Variants in UBR4 observed in about 807,000 individuals in gnomAD.
The protein encoded by UBR4 is E3 ubiquitin-protein ligase UBR4.
UBR4 carries 124 observed loss-of-function variants against 575.6 expected under a neutral mutation model. The observed-to-expected ratio is 0.22, with a 90% CI of 0.19 to 0.25. UBR4 has a LOEUF of 0.25. Ranked by LOEUF, UBR4 falls within the 10% of genes least tolerant of loss-of-function variation. The pLI is 1.00. For missense variants in UBR4, 4,818 were observed against 6,478.8 expected (o/e 0.74, Z 8.80); for synonymous variants, 2,455 against 2,473.7 (o/e 0.99, Z 0.22).
In UBR4 at chr1:19,110,273, T is replaced by C. The variant is rs958489272; in HGVS notation, c.11978-50A>G. The C allele has an allele frequency of 6.2e-7, 1 of 1,613,530 alleles. No individual in the cohort carries two copies. Among genetic ancestry groups the C allele is most frequent in the African/African-American group, 1.3e-5 (1 of 74,922 alleles). On this transcript the variant is annotated intron_variant, in intron 80 of 105. Transcript: ENST00000375254. The surrounding 1 kb of genome is among the most constrained non-coding windows in gnomAD (Gnocchi z 4.5). ...GTCACAATCAGGAACACTACACATC[T>C]GCTCTGCAGAGGCCGCCCAAGCATC...
At chr1:19,199,466 A>G (rs2092640030) in intron 3 of UBR4, among the ~76,000 whole-genome samples, 185 bp downstream of exon 3, 1 of 152,242 alleles carries the variant, frequency 6.6e-6, no homozygotes, top group Non-Finnish European at 1.5e-5. Flanking sequence ...TCATTTATAT[A>G]TTAATCTATG....
At chr1:19,077,851 G>A in intron 104 of UBR4, 125 bp downstream of exon 104, 1 of 1,562,176 alleles carries the variant, frequency 6.4e-7, no homozygotes, top group Non-Finnish European at 8.7e-7. Flanking sequence ...TTTGTTTCTA[G>A]GAAAAAAGCG....
At position 19,081,521 on chromosome 1, in the gene UBR4, G is replaced by A; in HGVS notation, c.15061C>T (p.Pro5021Ser). The change falls in exon 103 of 106, where the codon CCC becomes TCC. Residue 5021 changes from proline to serine, a missense_variant. This residue lies in a region of UBR4 where 212 missense variants were observed against 221.3 expected (regional missense o/e 0.96). Coordinates refer to ENST00000375254, the MANE Select transcript of UBR4 (RefSeq NM_020765.3). ...EKNLQGFLEQ[P>S]KEKWVESAFE... is the part of the protein sequence containing the mutation. ...GCACTCTCCACCCACTTCTCCTTGG[G>A]CTGTTCCAGAAAGCCTTGGAGGTTC... The A allele has an allele frequency of 6.2e-7, 1 of 1,614,006 alleles. No individual in the cohort carries two copies. The highest frequency in any genetic ancestry group is 8.5e-7 in the Non-Finnish European group (1 of 1,180,016).
intron 103 of UBR4, chr1:19,081,017 A>G (rs2076448407): frequency 4.6e-6 from 1 of 217,024 alleles, no homozygotes; most frequent in African/African-American, 2.3e-5. Flanking sequence ...TGCCAACACC[A>G]GCAAGATGTG....
At chr1:19,149,969 T>C (rs114427438) in intron 49 of UBR4, among the ~76,000 whole-genome samples, 3,039 of 152,220 alleles carry the variant, frequency 0.02, 92 homozygotes, top group East Asian at 0.082. Context: ...AAGGCTATTC[T>C]TGTGACTTAC....
At chr1:19,144,355 C>T (rs796713634) in intron 54 of UBR4, among the ~76,000 whole-genome samples, 10 of 152,354 alleles carry the variant, frequency 6.6e-5, no homozygotes, top group African/African-American at 2.4e-4. Context: ...GCCATTTTGG[C>T]CCCTTACAAA....
chr1:19,126,959 C>T (rs570306814), intron 63 of UBR4, among the ~76,000 whole-genome samples: 11 of 152,278 alleles, frequency 7.2e-5, no homozygotes, highest in East Asian at 1.9e-4. Context: ...CTGGAGGGGA[C>T]GCGTTTCCTC....
chr1:19,136,198 C>G (rs991552664), intron 60 of UBR4, among the ~76,000 whole-genome samples: 1 of 151,954 alleles, frequency 6.6e-6, no homozygotes, highest in African/African-American at 2.4e-5. Context: ...TAAATGATAT[C>G]GTTTAGGAAA....
At chr1:19,112,359 C>T in intron 78 of UBR4, 165 bp downstream of exon 78, 1 of 762,208 alleles carries the variant, frequency 1.3e-6, no homozygotes, top group Non-Finnish European at 2.0e-6. Context: ...GCTCCCCAAG[C>T]TCGCTCACCT....
intron 18 of UBR4, 52 bp from the exon 19 acceptor site, chr1:19,177,795 G>A (rs745334700): frequency 2.5e-6 from 4 of 1,575,472 alleles, no homozygotes; most frequent in Non-Finnish European, 1.7e-6. Flanking sequence ...GCATTCCCCA[G>A]GAGTTATAAT....
At chr1:19,176,808 T>C in intron 19 of UBR4, 81 bp from the exon 20 acceptor site, 1 of 1,474,662 alleles carries the variant, frequency 6.8e-7, no homozygotes, top group East Asian at 2.3e-5. Flanking sequence ...AATAGCTCGG[T>C]ACACTGAATC....
chr1:19,104,481 G>T, intron 86 of UBR4, 104 bp downstream of exon 86: 1 of 1,319,686 alleles, frequency 7.6e-7, no homozygotes, highest in East Asian at 2.4e-5. Flanking sequence ...CTGCACTAAG[G>T]TCAGTACCAG....
In UBR4 at chr1:19,210,068, G is replaced by C; in HGVS notation, c.176+5C>G. On this transcript the variant is annotated splice_donor_5th_base_variant and intron_variant, in intron 1 of 105. Transcript: ENST00000375254. ...GCGTCGCCCGCCAGAGCCGCCGCCC[G>C]GTACCTCTCGATGACTGAGGCCACC... The C allele has an allele frequency of 6.5e-7, 1 of 1,549,622 alleles. No homozygotes were observed. Among genetic ancestry groups the C allele is most frequent in the South Asian group, 1.2e-5 (1 of 84,588 alleles).
chr1:19,087,781 G>C (rs1466352931), intron 99 of UBR4, 35 bp downstream of exon 99: 1 of 1,558,544 alleles, frequency 6.4e-7, no homozygotes. Context: ...GTCAGGCTGG[G>C]CCCTCAGGAC....
At position 19,100,681 on chromosome 1, in the gene UBR4, GC is replaced by G. The variant is rs1570460808; in HGVS notation, c.13024-109del. The G allele has an allele frequency of 2.8e-6, 3 of 1,054,862 alleles. No individual in the cohort carries two copies. The highest frequency in any genetic ancestry group is 4.2e-6 in the Non-Finnish European group (3 of 713,976). 65.3% of individuals were successfully genotyped at this position (1,054,862 alleles called of 1,614,324 possible). On this transcript the variant is annotated intron_variant, in intron 88 of 105. Coordinates refer to ENST00000375254, the MANE Select transcript of UBR4 (RefSeq NM_020765.3). The surrounding 1 kb of genome is among the most constrained non-coding windows in gnomAD (Gnocchi z 4.2). ...GAGGAAAACACACCAAACTCAGCAAGCCCCCCAAACATTTAAAGATACAAAG... is the reference window on the plus strand; with the variant it reads ...GAGGAAAACACACCAAACTCAGCAAGCCCCCAAACATTTAAAGATACAAAG...
chr1:19,164,181 T>G, intron 33 of UBR4, 72 bp downstream of exon 33: 68 of 1,513,226 alleles, frequency 4.5e-5, no homozygotes, highest in Non-Finnish European at 5.7e-5. Flanking sequence ...GTACTCACTT[T>G]GAGCTATAAA....
At chr1:19,124,515 G>A (rs1308092755) in intron 65 of UBR4, 26 bp downstream of exon 65, 4 of 1,612,804 alleles carry the variant, frequency 2.5e-6, no homozygotes, top group Middle Eastern at 1.7e-4. Context: ...AGCCCAACAA[G>A]CATGCAGCTT....
chr1:19,188,347 A>T (rs1224441253), intron 11 of UBR4, among the ~76,000 whole-genome samples: 1 of 152,300 alleles, frequency 6.6e-6, no homozygotes, highest in East Asian at 1.9e-4. Flanking sequence ...TGAGCCCAGA[A>T]GTTCAAGACC....
Position 19,155,001 on chromosome 1 carries a change from G to A in UBR4, c.6375C>T (p.Ser2125=). ...CTGCGAATGATTTGCCTTGACAATA[G>A]CTGAAGAACAACATCTGCAACACGT... The part of the protein sequence containing the change: ...YSHVLQMLFF[S]YCQGKSFAAT... Residue 2125 remains serine (S), a synonymous_variant, in exon 44 of 106, where the codon AGC becomes AGT. Transcript: ENST00000375254. The A allele has an allele frequency of 6.2e-7, 1 of 1,614,166 alleles. No homozygotes were observed. The highest frequency in any genetic ancestry group is 8.5e-7 in the Non-Finnish European group (1 of 1,180,022).
Sources: gnomAD v4.1 joint callset for allele counts (sites outside exome capture counted in the v4.1 genomes callset) on GRCh38, gnomAD v4.1.1 for gene constraint, gnomAD v4.1.1 regional missense constraint, Gnocchi (gnomAD v3.1) non-coding constraint, MANE v1.5 for transcripts, NCBI Gene and HGNC (gene_info 2026-07-23, HGNC 2026-07-21) for gene names.